Variants in TANGO6 observed in about 807,000 individuals in gnomAD.
The protein encoded by TANGO6 is transport and Golgi organization protein 6 homolog.
Under a neutral mutation model 114.2 loss-of-function variants are expected in TANGO6, and 90 were observed. That is an observed-to-expected ratio of 0.79 (90% CI 0.66 to 0.94). The LOEUF is 0.94. Among genes scored for constraint, TANGO6 ranks in the 40% least tolerant of loss-of-function variants. The probability of loss-of-function intolerance (pLI) is 0.00; values close to 1 mark genes in which losing one functional copy is unlikely to be tolerated. For synonymous variants in TANGO6, 477 were observed against 509.8 expected (o/e 0.94, Z 0.87); for missense variants, 1,274 against 1,315.3 (o/e 0.97, Z 0.49).
chr16:68,888,042 G>C (rs1424091589), intron 7 of TANGO6, among the ~76,000 whole-genome samples: 2 of 152,210 alleles, frequency 1.3e-5, no homozygotes, highest in Non-Finnish European at 2.9e-5. Flanking sequence ...GGGCCAGGAG[G>C]AAAGTTCTCC....
chr16:68,978,464 G>A (rs1327790626), intron 15 of TANGO6, among the ~76,000 whole-genome samples: 1 of 152,170 alleles, frequency 6.6e-6, no homozygotes, highest in Non-Finnish European at 1.5e-5. Context: ...GTGTCCAACT[G>A]TAAACATAGC....
chr16:68,968,169 G>T (rs1963664046), intron 14 of TANGO6, among the ~76,000 whole-genome samples: 1 of 152,030 alleles, frequency 6.6e-6, no homozygotes, highest in South Asian at 2.1e-4. Context: ...GGATTCAAGA[G>T]ATTCTCCTGC....
intron 15 of TANGO6, among the ~76,000 whole-genome samples, chr16:68,980,409 CTATATA>C (rs1231646458): frequency 4.0e-4 from 27 of 67,972 alleles, no homozygotes; most frequent in East Asian, 8.1e-4. Flanking sequence ...CTCTCTCTCT[CTATATA>C]TATATATATA....
chr16:69,083,064 T>C (rs1453910976), intron 17 of TANGO6, among the ~76,000 whole-genome samples: 3 of 151,192 alleles, frequency 2.0e-5, no homozygotes, highest in Admixed American at 6.6e-5. Flanking sequence ...CCTGCCTCCT[T>C]CTCCAACCCA....
intron 9 of TANGO6, among the ~76,000 whole-genome samples, chr16:68,906,111 C>A (rs1488356042): frequency 1.5e-4 from 22 of 151,588 alleles, no homozygotes; most frequent in East Asian, 1.9e-4. Flanking sequence ...ACCCAGGAGG[C>A]GGAGGTTGCA....
At chr16:68,924,043 C>G (rs569403086) in intron 12 of TANGO6, among the ~76,000 whole-genome samples, 1 of 152,234 alleles carries the variant, frequency 6.6e-6, no homozygotes, top group African/African-American at 2.4e-5. Flanking sequence ...CAGAATTTCC[C>G]TAGAGTGGAG....
At chr16:69,000,256 T>C (rs1445509087) in intron 15 of TANGO6, among the ~76,000 whole-genome samples, 1 of 152,186 alleles carries the variant, frequency 6.6e-6, no homozygotes, top group Non-Finnish European at 1.5e-5. Flanking sequence ...CCTGTATGCT[T>C]TTAATATACC....
intron 17 of TANGO6, among the ~76,000 whole-genome samples, chr16:69,045,230 G>A (rs561090693): frequency 2.6e-5 from 4 of 151,448 alleles, no homozygotes; most frequent in Admixed American, 6.6e-5. Flanking sequence ...CGAGGCGGGC[G>A]GATCATGAGG....
chr16:68,943,833 T>A (rs1414950457), intron 14 of TANGO6, among the ~76,000 whole-genome samples: 3 of 152,348 alleles, frequency 2.0e-5, no homozygotes, highest in East Asian at 3.9e-4. Context: ...TAATATTTTT[T>A]AAAATATCTG....
intron 1 of TANGO6, among the ~76,000 whole-genome samples, chr16:68,852,601 G>A (rs1156491405): frequency 3.0e-5 from 4 of 131,168 alleles, no homozygotes; most frequent in African/African-American, 1.1e-4. Context: ...AGGCTGAGGC[G>A]GGAGGATTGC....
chr16:68,987,171 G>A (rs1963903144), intron 15 of TANGO6, among the ~76,000 whole-genome samples: 1 of 150,714 alleles, frequency 6.6e-6, no homozygotes, highest in Non-Finnish European at 1.5e-5. Context: ...TTTTTTCTAT[G>A]ATATACAGCT....
intron 17 of TANGO6, among the ~76,000 whole-genome samples, chr16:69,055,716 A>G (rs1960022185): frequency 6.6e-6 from 1 of 152,216 alleles, no homozygotes; most frequent in South Asian, 2.1e-4. Flanking sequence ...GGCCAAATCC[A>G]CGTGATGTTA....
At chr16:68,886,235 GAC>G (rs1962537374) in intron 7 of TANGO6, among the ~76,000 whole-genome samples, 1 of 149,146 alleles carries the variant, frequency 6.7e-6, no homozygotes, top group African/African-American at 2.5e-5. Flanking sequence ...TTTTTTCTGA[GAC>G]AGAGTCTTGC....
intron 4 of TANGO6, among the ~76,000 whole-genome samples, chr16:68,869,476 TCAAACAAA>T (rs555689009): frequency 1.3e-5 from 2 of 152,166 alleles, no homozygotes; most frequent in African/African-American, 4.8e-5. Flanking sequence ...ATATCCTGTG[TCAAACAAA>T]CAAACAAACA....
At chr16:69,075,763 T>A (rs1000235229) in intron 17 of TANGO6, among the ~76,000 whole-genome samples, 2 of 130,948 alleles carry the variant, frequency 1.5e-5, no homozygotes, top group African/African-American at 6.3e-5. Context: ...TGAATTCAAC[T>A]TTTTTTTTTT....
intron 16 of TANGO6, among the ~76,000 whole-genome samples, chr16:69,024,691 G>A (rs937505235): frequency 5.3e-5 from 8 of 152,174 alleles, no homozygotes; most frequent in Admixed American, 4.6e-4. Context: ...GACAGAAAAA[G>A]ACTAGTTAAC....
chr16:68,900,927 A>G (rs932218087), intron 8 of TANGO6, among the ~76,000 whole-genome samples: 2 of 152,248 alleles, frequency 1.3e-5, no homozygotes, highest in Admixed American at 6.5e-5. Flanking sequence ...TGGGAAATCT[A>G]GATCTGAATG....
intron 17 of TANGO6, among the ~76,000 whole-genome samples, chr16:69,051,967 A>T: frequency 7.4e-6 from 1 of 135,836 alleles, no homozygotes; most frequent in Non-Finnish European, 1.5e-5. Flanking sequence ...TTTTTTAGAC[A>T]CAGTCTTGCT....
At chr16:68,896,235 G>A (rs942154304) in intron 7 of TANGO6, among the ~76,000 whole-genome samples, 1 of 152,114 alleles carries the variant, frequency 6.6e-6, no homozygotes, top group Non-Finnish European at 1.5e-5. Flanking sequence ...TCAAACTCCT[G>A]GACTCAAGTG....
Sources: gnomAD v4.1 joint callset for allele counts (sites outside exome capture counted in the v4.1 genomes callset) on GRCh38, gnomAD v4.1.1 for gene constraint, MANE v1.5 for transcripts, NCBI Gene and HGNC (gene_info 2026-07-23, HGNC 2026-07-21) for gene names.